Variants in STARD9 observed in about 807,000 individuals in gnomAD.
The protein encoded by STARD9 is StAR related lipid transfer domain containing 9.
A neutral mutation model predicts 399.8 loss-of-function variants in STARD9; 346 were observed. The observed-to-expected ratio is 0.87, with a 90% confidence interval of 0.79 to 0.95. The LOEUF (loss-of-function observed/expected upper bound fraction) is 0.95, where lower values mean the gene tolerates loss of function less well. STARD9 is among the 40% of genes least tolerant of loss of function. The probability of loss-of-function intolerance (pLI) is 0.00; values close to 1 mark genes in which losing one functional copy is unlikely to be tolerated. For missense variants in STARD9, 5,832 were observed against 5,667.5 expected (o/e 1.03, Z -0.93); for synonymous variants, 2,203 against 2,143.5 (o/e 1.03, Z -0.77).
intron 30 of STARD9, 82 bp downstream of exon 30, chr15:42,718,261 G>C: frequency 7.2e-7 from 1 of 1,387,656 alleles, no homozygotes; most frequent in East Asian, 2.5e-5. Context: ...AGAGGTGGAG[G>C]GTTGGAGGCA....
At chr15:42,683,458 T>TAA (rs940263917) in intron 22 of STARD9, among the ~76,000 whole-genome samples, 1 of 151,290 alleles carries the variant, frequency 6.6e-6, no homozygotes, top group Non-Finnish European at 1.5e-5. Flanking sequence ...TATATACTTC[T>TAA]AAAAAAAAAT....
At chr15:42,715,886 G>A (rs1331374575) in intron 26 of STARD9, among the ~76,000 whole-genome samples, 2 of 152,170 alleles carry the variant, frequency 1.3e-5, no homozygotes, top group Non-Finnish European at 2.9e-5. Flanking sequence ...GGGGCAACAA[G>A]TGAAGAGACT....
chr15:42,697,513 C>T (rs1186402655), intron 26 of STARD9, among the ~76,000 whole-genome samples: 4 of 152,016 alleles, frequency 2.6e-5, no homozygotes, highest in African/African-American at 9.7e-5. Flanking sequence ...CAAATATATA[C>T]ACATACAGGT....
chr15:42,665,302 T>C lies in STARD9; in HGVS notation c.1226T>C (p.Leu409Pro). ...IRELREEIER[L>P]KALLLSFELR... ...GAACTCAGAGAAGAGATTGAAAGACTGAAAGCCCTGCTGCTGAGCTTTGAA... is the reference window on the plus strand; with the variant it reads ...GAACTCAGAGAAGAGATTGAAAGACCGAAAGCCCTGCTGCTGAGCTTTGAA... Residue 409 changes from leucine (L) to proline (P), a missense_variant, in exon 14 of 33, where the codon CTG becomes CCG. Physicochemically the swap from Leu to Pro is moderately conservative, Grantham distance 98 (BLOSUM62 -3). Around this residue, in one of 2 missense-constraint regions of STARD9, gnomAD observed 5,828 missense variants for 5,651.1 expected, o/e 1.03. Transcript: ENST00000290607. 6.5e-7 allele frequency: 1 copy of C among 1,537,164 alleles called. No individual in the cohort carries two copies. Among genetic ancestry groups the C allele is most frequent in the Non-Finnish European group, 8.7e-7 (1 of 1,146,828 alleles).
intron 3 of STARD9, among the ~76,000 whole-genome samples, chr15:42,607,300 T>G (rs557434279): frequency 6.7e-6 from 1 of 148,290 alleles, no homozygotes; most frequent in Non-Finnish European, 1.5e-5. Flanking sequence ...CCTCCTGGGT[T>G]CAAGCAATTC....
intron 4 of STARD9, among the ~76,000 whole-genome samples, chr15:42,636,198 A>C (rs764392644): frequency 6.6e-6 from 1 of 152,138 alleles, no homozygotes; most frequent in Non-Finnish European, 1.5e-5. Context: ...TAGGAGGCTG[A>C]GGTGGGAGGA....
In STARD9 at chr15:42,692,560, C is replaced by G; in HGVS notation, c.10982C>G (p.Pro3661Arg). 1 of 1,537,230 alleles carries G rather than the reference C, an allele frequency of 6.5e-7. No homozygotes were observed. Among genetic ancestry groups the G allele is most frequent in the Non-Finnish European group, 8.7e-7 (1 of 1,146,918 alleles). ...WSSTDISFAQPEASAVSAFDL... is the reference protein window; with the variant it reads ...WSSTDISFAQREASAVSAFDL... ...AGCACTGACATCTCCTTTGCTCAGC[C>G]TGAAGCCAGTGCAGTATCAGCCTTT... The change falls in exon 23 of 33, where the codon CCT (proline) becomes CGT (arginine). Residue 3661 changes from proline (P) to arginine (R), a missense_variant. By Grantham distance (103) the Pro-to-Arg change is moderately radical. Around this residue, in one of 2 missense-constraint regions of STARD9, gnomAD observed 5,828 missense variants for 5,651.1 expected, o/e 1.03. Coordinates refer to ENST00000290607, the MANE Select transcript of STARD9 (RefSeq NM_020759.3).
In STARD9 at chr15:42,693,907, GCCAA is replaced by G. The variant is rs1260047969; in HGVS notation, c.12332_12335del (p.Gln4111LeufsTer22). 3.3e-6 allele frequency: 5 copies of G among 1,520,746 alleles called. No homozygotes were observed. The African/African-American group carries it at 6.9e-5, about 21-fold the overall frequency. The allele number at this position is 1,520,746 out of a possible 1,614,324, so 94.2% of individuals were successfully genotyped here. On this transcript the variant is annotated frameshift_variant, in exon 23 of 33. Coordinates refer to ENST00000290607, the MANE Select transcript of STARD9 (RefSeq NM_020759.3). LOFTEE classifies it high-confidence loss of function. ...TCTGCCTTGGGCCTCCCTCAGGCCT[GCCAA>G]CCTGAGGAGTTACTGTGCTTCAGTT...
chr15:42,673,387 G>A (rs2060241997), intron 16 of STARD9, among the ~76,000 whole-genome samples: 8 of 151,982 alleles, frequency 5.3e-5, no homozygotes, highest in Admixed American at 5.2e-4. Flanking sequence ...GGGCATCAAA[G>A]TGAGACTCTG....
intron 4 of STARD9, among the ~76,000 whole-genome samples, chr15:42,636,367 G>A (rs1183651875): frequency 6.6e-6 from 1 of 152,132 alleles, no homozygotes; most frequent in East Asian, 1.9e-4. Flanking sequence ...CAGATCACAA[G>A]GTCAGGAGTT....
rs1197874788 is a variant in STARD9 at position 42,689,068 on chromosome 15, A to G, written c.7490A>G (p.Asp2497Gly). Residue 2497 changes from aspartate (D) to glycine (G), a missense_variant, in exon 23 of 33, where the codon GAT becomes GGT. Physicochemically the swap from Asp to Gly is moderately conservative, Grantham distance 94. Transcript: ENST00000290607. ...AGGGTCAGCTTCTCCTTGGAAGAGG[A>G]TAGTGACCAAGCCAGCAAGCCAAGG... ...EKRVSFSLEE[D>G]SDQASKPRQK... is the part of the protein sequence containing the mutation. The G allele has an allele frequency of 6.5e-7, 1 of 1,537,264 alleles. No individual in the cohort carries two copies. The highest frequency in any genetic ancestry group is 1.2e-5 in the South Asian group (1 of 84,062).
At chr15:42,617,830 T>C (rs1359429073) in intron 3 of STARD9, among the ~76,000 whole-genome samples, 2 of 152,092 alleles carry the variant, frequency 1.3e-5, no homozygotes, top group African/African-American at 4.8e-5. Context: ...TATAGCCCAC[T>C]GCAGCCTCAA....
chr15:42,651,915 A>G (rs747761552), intron 8 of STARD9, among the ~76,000 whole-genome samples: 6 of 152,182 alleles, frequency 3.9e-5, no homozygotes, highest in African/African-American at 1.4e-4. Flanking sequence ...GCTCTTAGAT[A>G]AAGGAAAACC....
chr15:42,695,388 C>A (rs961014260), intron 25 of STARD9, 65 bp downstream of exon 25: 2 of 1,396,326 alleles, frequency 1.4e-6, no homozygotes, highest in South Asian at 2.9e-5. Context: ...ACACCTTCAC[C>A]GTGGCCGCCT....
intron 26 of STARD9, among the ~76,000 whole-genome samples, chr15:42,708,922 C>G (rs1347407559): frequency 6.6e-6 from 1 of 151,898 alleles, no homozygotes; most frequent in Non-Finnish European, 1.5e-5. Flanking sequence ...TAGTTAAATT[C>G]AAATTTTAGA....
chr15:42,650,985 A>G (rs2059751549), intron 7 of STARD9, 31 bp from the exon 8 acceptor site: 1 of 1,437,452 alleles, frequency 7.0e-7, no homozygotes, highest in South Asian at 1.3e-5. Context: ...ATCTCATTTA[A>G]TTTCTTTTTT....
rs942053892 is a variant in STARD9, at chr15:42,720,979, A to G, written c.*1405A>G. On this transcript the variant is annotated 3_prime_UTR_variant, in exon 33 of 33. Transcript: ENST00000290607. ...ACCAAAAAAGAACATTTTAAAATTA[A>G]AAGTCCTCTGTGTACTTTATCTAGT... 21 of 152,208 alleles carry G rather than the reference A, an allele frequency of 1.4e-4. No homozygotes were observed. The highest frequency in any genetic ancestry group is 5.1e-4 in the African/African-American group (21 of 41,450). 9.4% of individuals were successfully genotyped at this position (152,208 alleles called of 1,614,324 possible).
intron 1 of STARD9, chr15:42,581,603 T>A (rs937457107): frequency 7.1e-6 from 5 of 703,042 alleles, no homozygotes; most frequent in Non-Finnish European, 9.6e-6. Context: ...CTCGCTCGCT[T>A]CCTCTAGTTC....
chr15:42,615,458 G>A (rs1350349490), intron 3 of STARD9, among the ~76,000 whole-genome samples: 1 of 152,008 alleles, frequency 6.6e-6, no homozygotes, highest in Non-Finnish European at 1.5e-5. Flanking sequence ...AAATGGTATT[G>A]ACTGAAAAAG....
Sources: allele counts gnomAD v4.1 joint callset (sites outside exome capture counted in the v4.1 genomes callset), GRCh38; gene constraint gnomAD v4.1.1; regional missense constraint gnomAD v4.1.1; transcripts MANE v1.5; gene names NCBI Gene and HGNC (gene_info 2026-07-23, HGNC 2026-07-21).